Variants in SLC2A13 observed in about 807,000 individuals in gnomAD.
The protein encoded by SLC2A13 is proton myo-inositol cotransporter.
Under a neutral mutation model 64.4 loss-of-function variants are expected in SLC2A13, and 32 were observed. The ratio of observed to expected loss-of-function variants is 0.50; its 90% CI spans 0.37 to 0.67. SLC2A13 has a LOEUF of 0.67. Among genes scored for constraint, SLC2A13 ranks in the 30% least tolerant of loss-of-function variants. The probability of loss-of-function intolerance (pLI) is 0.00; values close to 1 mark genes in which losing one functional copy is unlikely to be tolerated. For missense variants in SLC2A13, 743 were observed against 829.2 expected (o/e 0.90, Z 1.28); for synonymous variants, 338 against 327.1 (o/e 1.03, Z -0.36).
intron 1 of SLC2A13, among the ~76,000 whole-genome samples, chr12:40,096,086 A>ATT (rs751983372): frequency 7.1e-6 from 1 of 141,104 alleles, no homozygotes. Flanking sequence ...CGCCTGGCTA[A>ATT]TTTTTTTTTT....
intron 3 of SLC2A13, among the ~76,000 whole-genome samples, chr12:39,953,355 T>C (rs1946264972): frequency 6.6e-6 from 1 of 152,204 alleles, no homozygotes; most frequent in Non-Finnish European, 1.5e-5. Context: ...CATTTTTTAA[T>C]GGATAAATTT....
intron 3 of SLC2A13, among the ~76,000 whole-genome samples, chr12:39,968,263 C>G (rs951281502): frequency 1.3e-5 from 2 of 152,002 alleles, no homozygotes; most frequent in Admixed American, 1.3e-4. Flanking sequence ...TGGGGTGGTG[C>G]GGCGGGAGAG....
intron 1 of SLC2A13, among the ~76,000 whole-genome samples, chr12:40,073,322 G>T (rs2136272430): frequency 6.6e-6 from 1 of 152,068 alleles, no homozygotes; most frequent in Non-Finnish European, 1.5e-5. Flanking sequence ...AAAGCAAGGA[G>T]AAAAAATACT....
intron 4 of SLC2A13, among the ~76,000 whole-genome samples, chr12:39,939,398 G>C (rs1245473817): frequency 6.6e-6 from 1 of 152,208 alleles, no homozygotes; most frequent in Non-Finnish European, 1.5e-5. Flanking sequence ...TGCTAGGATA[G>C]TGAGTTACCT....
rs547890936 is a variant in SLC2A13, at chr12:39,756,056, C to A, written c.*3970G>T. The A allele has an allele frequency of 6.6e-6, 1 of 151,852 alleles. No homozygotes were observed. Among genetic ancestry groups the A allele is most frequent in the African/African-American group, 2.4e-5 (1 of 41,376 alleles). The allele number at this position is 151,852 out of a possible 1,614,324, so 9.4% of individuals were successfully genotyped here. A position where few individuals can be genotyped will look rare whatever the true frequency, so the allele number is the denominator to read the frequency against. On this transcript the variant is annotated 3_prime_UTR_variant, in exon 10 of 10. Coordinates refer to ENST00000280871, the MANE Select transcript of SLC2A13 (RefSeq NM_052885.4). Reference sequence around the variant, plus strand: ...TGCTCACCTAGAAGAGCTGAATGTACCGACAATTTATAGACTGCTACAACC... The same window carrying A: ...TGCTCACCTAGAAGAGCTGAATGTAACGACAATTTATAGACTGCTACAACC...
intron 4 of SLC2A13, among the ~76,000 whole-genome samples, chr12:39,897,117 C>T (rs896160975): frequency 6.6e-6 from 1 of 152,100 alleles, no homozygotes; most frequent in Non-Finnish European, 1.5e-5. Flanking sequence ...TATCATTGTT[C>T]CTGTGAATTA....
At chr12:39,954,563 T>A (rs991717758) in intron 3 of SLC2A13, among the ~76,000 whole-genome samples, 2 of 151,936 alleles carry the variant, frequency 1.3e-5, no homozygotes, top group Admixed American at 6.6e-5. Flanking sequence ...TACAAAAGAG[T>A]ATTTAGAAGG....
At chr12:39,767,737 G>A (rs1273859319) in intron 7 of SLC2A13, among the ~76,000 whole-genome samples, 2 of 152,086 alleles carry the variant, frequency 1.3e-5, no homozygotes. Flanking sequence ...CCCAGTGGGA[G>A]GTAATTGAAT....
At chr12:39,832,967 T>A (rs566574133) in intron 6 of SLC2A13, among the ~76,000 whole-genome samples, 1 of 152,102 alleles carries the variant, frequency 6.6e-6, no homozygotes, top group South Asian at 2.1e-4. Flanking sequence ...TTCTCAAAAA[T>A]CCTGATCTAG....
In SLC2A13 at chr12:40,017,138, C is replaced by T. The variant is rs374335507; in HGVS notation, c.925+11163G>A. ...CCTCCAAATCTCAGGAGTCAAAGAT[C>T]AGACATCACCATCCACTCCTCTCAC... is the stretch of plus-strand genomic sequence containing the variant. On this transcript the variant is annotated intron_variant, in intron 3 of 9. Coordinates refer to ENST00000280871, the MANE Select transcript of SLC2A13 (RefSeq NM_052885.4). Among the ~76,000 whole-genome samples, 32 of 152,322 alleles carry T rather than the reference C, an allele frequency of 2.1e-4. No homozygotes were observed. In the South Asian group the frequency reaches 6.6e-3, roughly 32 times the overall value.
intron 4 of SLC2A13, among the ~76,000 whole-genome samples, chr12:39,877,114 G>T (rs1944204501): frequency 6.6e-6 from 1 of 151,930 alleles, no homozygotes. Context: ...TTTCCTATTG[G>T]GAGACTGTTT....
chr12:39,903,356 T>A (rs1053727047), intron 4 of SLC2A13, among the ~76,000 whole-genome samples: 6 of 152,152 alleles, frequency 3.9e-5, no homozygotes, highest in Non-Finnish European at 8.8e-5. Flanking sequence ...GTACAAACAT[T>A]GAAGACATAT....
At chr12:40,061,574 C>G (rs1175297755) in intron 1 of SLC2A13, among the ~76,000 whole-genome samples, 1 of 152,014 alleles carries the variant, frequency 6.6e-6, no homozygotes, top group African/African-American at 2.4e-5. Context: ...GGCAAGTAAT[C>G]TAGAGATGAT....
chr12:40,024,636 T>G (rs1336963648), intron 3 of SLC2A13, among the ~76,000 whole-genome samples: 1 of 152,210 alleles, frequency 6.6e-6, no homozygotes, highest in African/African-American at 2.4e-5. Context: ...TAATTGCTCT[T>G]TCATTTATTG....
chr12:39,933,476 C>T (rs1445086023), intron 4 of SLC2A13, among the ~76,000 whole-genome samples: 4 of 152,178 alleles, frequency 2.6e-5, no homozygotes, highest in African/African-American at 7.2e-5. Context: ...GGTTCCCATA[C>T]TTTCTTGCTT....
chr12:39,925,546 C>T (rs1242281360), intron 4 of SLC2A13, among the ~76,000 whole-genome samples: 1 of 152,162 alleles, frequency 6.6e-6, no homozygotes, highest in African/African-American at 2.4e-5. Flanking sequence ...CTTCCACCTG[C>T]ATACTTTAAA....
At chr12:40,062,888 T>C (rs1042340576) in intron 1 of SLC2A13, among the ~76,000 whole-genome samples, 4 of 152,258 alleles carry the variant, frequency 2.6e-5, no homozygotes, top group Admixed American at 2.0e-4. Flanking sequence ...GGAGCCATTA[T>C]AGCTCACATT....
At chr12:39,817,240 G>A (rs1942364369) in intron 7 of SLC2A13, among the ~76,000 whole-genome samples, 1 of 152,204 alleles carries the variant, frequency 6.6e-6, no homozygotes, top group Non-Finnish European at 1.5e-5. Context: ...ACTCAAAGTA[G>A]CTCATAACCA....
chr12:40,096,527 G>A (rs1300244985), intron 1 of SLC2A13, among the ~76,000 whole-genome samples: 2 of 151,644 alleles, frequency 1.3e-5, no homozygotes, highest in East Asian at 3.9e-4. Context: ...AAAAATTAGA[G>A]ACTCTTAAAC....
Sources: allele counts gnomAD v4.1 joint callset (sites outside exome capture counted in the v4.1 genomes callset), GRCh38; gene constraint gnomAD v4.1.1; transcripts MANE v1.5; gene names NCBI Gene and HGNC (gene_info 2026-07-23, HGNC 2026-07-21).